SBK1: variants seen among roughly 807,000 people sequenced by gnomAD.
The protein encoded by SBK1 is serine/threonine-protein kinase SBK1.
In SBK1, 11 loss-of-function variants were observed where a neutral mutation model predicts 24.4. The observed-to-expected ratio is 0.45, with a 90% CI of 0.28 to 0.75. SBK1 has a LOEUF of 0.75. Ranked by LOEUF, SBK1 falls within the 30% of genes least tolerant of loss-of-function variation. The pLI is 0.12. For missense variants in SBK1, 467 were observed against 620.5 expected (o/e 0.75, Z 2.63); for synonymous variants, 308 against 284.4 (o/e 1.08, Z -0.83).
chr16:28,269,279 C>A (rs1194877778), intron 1 of SBK1, among the ~76,000 whole-genome samples: 1 of 151,952 alleles, frequency 6.6e-6, no homozygotes, highest in African/African-American at 2.4e-5. Context: ...AGGTGATTCA[C>A]CAGCCTCGGC....
chr16:28,311,370 C>G (rs1330140200), intron 1 of SBK1, among the ~76,000 whole-genome samples: 1 of 151,884 alleles, frequency 6.6e-6, no homozygotes, highest in African/African-American at 2.4e-5. Context: ...TGAGGAGGCA[C>G]GGCAGGGAGG....
chr16:28,285,931 T>C (rs1013381940), intron 1 of SBK1: 6 of 152,270 alleles, frequency 3.9e-5, no homozygotes, highest in Non-Finnish European at 7.3e-5. Flanking sequence ...AAGCAGGTTC[T>C]TTCCCTGGGC....
upstream of SBK1, among the ~76,000 whole-genome samples, chr16:28,288,088 C>G (rs1228012211): frequency 6.6e-6 from 1 of 152,100 alleles, no homozygotes; most frequent in Non-Finnish European, 1.5e-5. Context: ...TCAGACTGTA[C>G]TAGATCTAAC....
Position 28,322,933 on chromosome 16 carries a change from T to TCTCTCC in SBK1, c.*2017_*2018insCCTCTC, listed in dbSNP as rs1445858658. ...CTCTCGCGCGCGCTCTCTCTCTCCC[T>TCTCTCC]CTCTCTCTCTCTCTCTCTCTCTCTC... On this transcript the variant is annotated 3_prime_UTR_variant, in exon 4 of 4. Coordinates refer to ENST00000341901, the MANE Select transcript of SBK1 (RefSeq NM_001024401.3). 1 of 8,982 alleles carries TCTCTCC rather than the reference T, an allele frequency of 1.1e-4. No individual in the cohort carries two copies. The highest frequency in any genetic ancestry group is 3.3e-4 in the African/African-American group (1 of 2,988). 0.6% of individuals were successfully genotyped at this position (8,982 alleles called of 1,614,324 possible).
intron 1 of SBK1, among the ~76,000 whole-genome samples, chr16:28,278,473 C>T (rs1464719707): frequency 2.0e-5 from 3 of 152,314 alleles, no homozygotes; most frequent in Non-Finnish European, 4.4e-5. Flanking sequence ...TTCTGAGTAG[C>T]TGGGACTACA....
intron 1 of SBK1, among the ~76,000 whole-genome samples, chr16:28,284,166 A>AC (rs1323178452): frequency 1.3e-5 from 2 of 152,324 alleles, no homozygotes; most frequent in Admixed American, 6.5e-5. Context: ...ACCTGGGATC[A>AC]CCTACCAAAC....
In SBK1 at chr16:28,317,332, G is replaced by T; in HGVS notation, c.-7-53G>T. 7.1e-7 allele frequency: 1 copy of T among 1,400,218 alleles called. No individual in the cohort carries two copies. The highest frequency in any genetic ancestry group is 1.0e-6 in the Non-Finnish European group (1 of 992,712). The allele number at this position is 1,400,218 out of a possible 1,614,324, so 86.7% of individuals were successfully genotyped here. On this transcript the variant is annotated intron_variant, in intron 1 of 3. Coordinates refer to ENST00000341901, the MANE Select transcript of SBK1 (RefSeq NM_001024401.3). The surrounding 1 kb of genome is among the most constrained non-coding windows in gnomAD (Gnocchi z 4.2). ...TCTGGGGAGGGCAGAGGGGCTGGAG[G>T]AGGGGACCCTTGCCTGATGTCACAC...
Position 28,268,423 on chromosome 16 carries a change from GT to G in SBK1, c.257+8935del, listed in dbSNP as rs561869982. Among the ~76,000 whole-genome samples, 936 of 139,828 alleles carry G rather than the reference GT, an allele frequency of 6.7e-3. 4 individuals carry two copies. Among genetic ancestry groups the G allele is most frequent in the African/African-American group, 0.02 (754 of 37,988 alleles). 91.7% of individuals were successfully genotyped at this position (139,828 alleles called of 152,430 possible). A position where few individuals can be genotyped will look rare whatever the true frequency, so the allele number is the denominator to read the frequency against. On this transcript the variant is annotated intron_variant, in intron 1 of 3. Coordinates refer to the SBK1 transcript ENST00000671413. ...ACACCTGGCTAATTTTTAAAAATGG[GT>G]TTTTTTTTTTTTTGTAAAGATGGGT... is the stretch of plus-strand genomic sequence containing the variant.
intron 1 of SBK1, among the ~76,000 whole-genome samples, chr16:28,260,482 G>A (rs1414957373): frequency 6.6e-6 from 1 of 152,264 alleles, no homozygotes; most frequent in East Asian, 1.9e-4. Context: ...GTGGGGAGAA[G>A]GGTAGGCATG....
chr16:28,296,227 G>T (rs2141577981), intron 1 of SBK1, among the ~76,000 whole-genome samples: 1 of 151,876 alleles, frequency 6.6e-6, no homozygotes, highest in South Asian at 2.1e-4. Context: ...CCGAGTAGCT[G>T]GGATTACAGG....
chr16:28,301,641 T>G lies in SBK1; in HGVS notation c.-8+8341T>G, dbSNP rs371426136. Among the ~76,000 whole-genome samples the G allele has an allele frequency of 5.7e-4, 87 of 152,274 alleles. 1 individual carries two copies. The South Asian group carries it at 0.017, about 30-fold the overall frequency. ...GCCTCAAGTGGGTTCAGGGGTGAGA[T>G]TCAGCATAGCCAAATGGCCTCCATC... On this transcript the variant is annotated intron_variant, in intron 1 of 3. Transcript: ENST00000341901.
chr16:28,307,507 A>G (rs1342214205), intron 1 of SBK1, among the ~76,000 whole-genome samples: 1 of 152,204 alleles, frequency 6.6e-6, no homozygotes, highest in Non-Finnish European at 1.5e-5. Context: ...TGGGAGGCCA[A>G]GATGGGTGGA....
At chr16:28,308,771 G>GTGTGTGTGTGTGTGTT (rs762331424) in intron 1 of SBK1, among the ~76,000 whole-genome samples, 4 of 149,728 alleles carry the variant, frequency 2.7e-5, no homozygotes, top group Non-Finnish European at 4.4e-5. Flanking sequence ...GTGTGTGTGT[G>GTGTGTGTGTGTGTGTT]TGTGTGTGTT....
intron 1 of SBK1, among the ~76,000 whole-genome samples, chr16:28,263,335 C>T (rs2044408685): frequency 1.3e-5 from 2 of 152,110 alleles, no homozygotes; most frequent in South Asian, 4.1e-4. Context: ...GGTTCAAAGC[C>T]CATTGTGAAG....
At chr16:28,263,784 A>G (rs557584815) in intron 1 of SBK1, among the ~76,000 whole-genome samples, 85 of 152,284 alleles carry the variant, frequency 5.6e-4, no homozygotes, top group Non-Finnish European at 1.1e-3. Flanking sequence ...TGGAGGTCAC[A>G]GTGGTGAGCG....
At chr16:28,312,479 C>T (rs775025515) in intron 1 of SBK1, among the ~76,000 whole-genome samples, 7 of 152,174 alleles carry the variant, frequency 4.6e-5, no homozygotes, top group Non-Finnish European at 1.0e-4. Flanking sequence ...TGCTGTCCAG[C>T]CCAGAGCTGG....
At chr16:28,301,212 G>A (rs564492584) in intron 1 of SBK1, among the ~76,000 whole-genome samples, 1 of 152,328 alleles carries the variant, frequency 6.6e-6, no homozygotes, top group South Asian at 2.1e-4. Flanking sequence ...ACACCCCTGG[G>A]GGCTGCCCCG....
intron 1 of SBK1, among the ~76,000 whole-genome samples, chr16:28,283,005 T>G (rs187341431): frequency 6.6e-6 from 1 of 152,128 alleles, no homozygotes; most frequent in Non-Finnish European, 1.5e-5. Flanking sequence ...TGATCTCGGC[T>G]CACTGCAAAC....
intron 1 of SBK1, among the ~76,000 whole-genome samples, chr16:28,275,649 G>A (rs2141564115): frequency 6.6e-6 from 1 of 152,232 alleles, no homozygotes; most frequent in South Asian, 2.1e-4. Context: ...AGAGGCCAAG[G>A]CAGGTGGATC....
Sources: allele counts gnomAD v4.1 joint callset (sites outside exome capture counted in the v4.1 genomes callset), GRCh38; gene constraint gnomAD v4.1.1; non-coding constraint Gnocchi (gnomAD v3.1); transcripts MANE v1.5; gene names NCBI Gene and HGNC (gene_info 2026-07-23, HGNC 2026-07-21).